The following ZNF141 variants were observed in gnomAD, a reference collection of about 807,000 sequenced individuals.
ZNF141 encodes zinc finger protein 141.
In ZNF141, 7 loss-of-function variants were observed where a neutral mutation model predicts 11.3. The observed-to-expected ratio is 0.62, with a 90% CI of 0.35 to 1.16. ZNF141 has a LOEUF of 1.16. Among genes scored for constraint, ZNF141 ranks in the 50% most tolerant of loss-of-function variants. The pLI, the probability that ZNF141 is intolerant of heterozygous loss-of-function variation, is 0.02. For synonymous variants in ZNF141, 183 were observed against 190.7 expected (o/e 0.96, Z 0.33); for missense variants, 535 against 554.0 (o/e 0.97, Z 0.34).
intron 3 of ZNF141, among the ~76,000 whole-genome samples, chr4:369,182 C>T (rs185476143): frequency 1.2e-4 from 18 of 152,276 alleles, no homozygotes; most frequent in Admixed American, 1.0e-3. Flanking sequence ...CACACTCACA[C>T]ACACACATTA....
chr4:350,858 A>G (rs1252911337), intron 3 of ZNF141, among the ~76,000 whole-genome samples: 2 of 150,732 alleles, frequency 1.3e-5, no homozygotes, highest in South Asian at 2.1e-4. Flanking sequence ...TCCTGCCTCA[A>G]CCTCCAGAGT....
In ZNF141 at chr4:378,301, ACT is replaced by A. The variant is rs1712462062; in HGVS notation, c.*4442_*4443del. On this transcript the variant is annotated 3_prime_UTR_variant, in exon 4 of 4. Transcript: ENST00000240499. Reference sequence around the variant, plus strand: ...ATTTATTTATTTTAGATGGAGCCCCACTCTGTCACCAGGCTGGAGTGCAGTGG... The same window carrying A: ...ATTTATTTATTTTAGATGGAGCCCCACTGTCACCAGGCTGGAGTGCAGTGG... The A allele has an allele frequency of 6.6e-6, 1 of 151,880 alleles. No individual in the cohort carries two copies. The highest frequency in any genetic ancestry group is 2.4e-5 in the African/African-American group (1 of 41,368). 9.4% of individuals were successfully genotyped at this position (151,880 alleles called of 1,614,324 possible).
chr4:344,399 G>A lies in ZNF141; in HGVS notation c.195G>A (p.Val65=), dbSNP rs148239320. ...AGCAAAGAAAAGAGCCCTACAATGT[G>A]AAGATACATAAGATCGTAGCCAGAC... The part of the protein sequence containing the change: ...CLEQRKEPYN[V]KIHKIVARPP... Residue 65 remains valine (V), a synonymous_variant, in exon 3 of 4, where the codon GTG becomes GTA. Coordinates refer to ENST00000240499, the MANE Select transcript of ZNF141 (RefSeq NM_003441.4). 1,640 of 1,607,802 alleles carry A rather than the reference G, an allele frequency of 1.0e-3. 16 individuals are homozygous for A. In the African/African-American group the frequency reaches 0.019, roughly 19 times the overall value.
At chr4:368,970 T>A (rs538871302) in intron 3 of ZNF141, among the ~76,000 whole-genome samples, 1 of 152,312 alleles carries the variant, frequency 6.6e-6, no homozygotes, top group Non-Finnish European at 1.5e-5. Flanking sequence ...TTTAGACATC[T>A]TCTTTTTAGG....
At chr4:351,424 G>A (rs1429415978) in intron 3 of ZNF141, among the ~76,000 whole-genome samples, 4 of 151,622 alleles carry the variant, frequency 2.6e-5, no homozygotes, top group African/African-American at 7.3e-5. Flanking sequence ...TAGTAGGGGC[G>A]GGGTTTTACC....
chr4:347,379 G>C (rs1469469052), intron 3 of ZNF141, among the ~76,000 whole-genome samples: 1 of 134,938 alleles, frequency 7.4e-6, no homozygotes, highest in Admixed American at 8.3e-5. Flanking sequence ...TCTCTCTGTC[G>C]CCCAGGCTGG....
In ZNF141 at chr4:381,184, CTA is replaced by C. The variant is rs1553855544; in HGVS notation, c.*7324_*7325del. The stretch of plus-strand genomic sequence containing the variant: ...TATTTCTTGAGTTAAATATTTGACT[CTA>C]TTAGTTTAGTTTCCTTTGTGCCTGT... On this transcript the variant is annotated 3_prime_UTR_variant, in exon 4 of 4. Coordinates refer to ENST00000240499, the MANE Select transcript of ZNF141 (RefSeq NM_003441.4). 6.6e-6 allele frequency among the ~76,000 whole-genome samples: 1 copy of C among 152,058 alleles called. No homozygotes were observed. The highest frequency in any genetic ancestry group is 2.4e-5 in the African/African-American group (1 of 41,418).
chr4:338,658 C>CG (rs1720907876), intron 1 of ZNF141: 1 of 153,010 alleles, frequency 6.5e-6, no homozygotes, highest in Non-Finnish European at 1.5e-5. Context: ...AGGGTGTGGG[C>CG]CCCTGGTTTG....
intron 3 of ZNF141, among the ~76,000 whole-genome samples, chr4:370,052 A>G (rs565262814): frequency 6.6e-6 from 1 of 152,062 alleles, no homozygotes; most frequent in Non-Finnish European, 1.5e-5. Context: ...GGCATGAGCC[A>G]CTGGGCCTGG....
intron 1 of ZNF141, among the ~76,000 whole-genome samples, chr4:342,630 G>T (rs1296966308): frequency 6.6e-6 from 1 of 152,214 alleles, no homozygotes; most frequent in Non-Finnish European, 1.5e-5. Context: ...GAGAGGCAGT[G>T]CTTAGCTAAG....
At chr4:343,938 A>G in intron 2 of ZNF141, 30 bp downstream of exon 2, 1 of 1,576,246 alleles carries the variant, frequency 6.3e-7, no homozygotes, top group South Asian at 1.2e-5. Context: ...ATAATTCCTA[A>G]TTTTTCTCAG....
Position 381,946 on chromosome 4 carries a change from C to A in ZNF141, c.*8084C>A, listed in dbSNP as rs1475780411. On this transcript the variant is annotated 3_prime_UTR_variant, in exon 4 of 4. Transcript: ENST00000240499. Reference sequence around the variant, plus strand: ...CTAGGGCCACCACCATCTCTGGGAACTTTTTTTTTTTTTTTTTTTGAGACG... The same window carrying A: ...CTAGGGCCACCACCATCTCTGGGAAATTTTTTTTTTTTTTTTTTTGAGACG... Among the ~76,000 whole-genome samples, 2 of 105,938 alleles carry A rather than the reference C, an allele frequency of 1.9e-5. No individual in the cohort carries two copies. The highest frequency in any genetic ancestry group is 3.6e-5 in the Non-Finnish European group (2 of 55,032). 69.5% of individuals were successfully genotyped at this position (105,938 alleles called of 152,430 possible).
intron 3 of ZNF141, among the ~76,000 whole-genome samples, chr4:369,341 A>T (rs61613542): frequency 6.6e-6 from 1 of 152,048 alleles, no homozygotes; most frequent in African/African-American, 2.4e-5. Flanking sequence ...TGTGTTATAT[A>T]ACTTGGACCT....
rs1041052323 is a variant in ZNF141 at position 372,901 on chromosome 4, G to T, written c.464G>T (p.Ser155Ile). 6.2e-7 allele frequency: 1 copy of T among 1,613,656 alleles called. No homozygotes were observed. Among genetic ancestry groups the T allele is most frequent in the Non-Finnish European group, 8.5e-7 (1 of 1,179,714 alleles). Reference sequence around the variant, plus strand: ...TGTAAAGCAAGTGTCAAAGTTGTTAGTAAATTTTCAAATTCAAACAAACGT... The same window carrying T: ...TGTAAAGCAAGTGTCAAAGTTGTTATTAAATTTTCAAATTCAAACAAACGT... ...LQCKASVKVV[S>I]KFSNSNKRKT... Residue 155 changes from serine to isoleucine, a missense_variant, in exon 4 of 4, where the codon AGT (serine) becomes ATT (isoleucine). Coordinates refer to ENST00000240499, the MANE Select transcript of ZNF141 (RefSeq NM_003441.4).
rs1252672008 is a variant in ZNF141, at chr4:381,963, T to C, written c.*8101T>C. 6.8e-6 allele frequency among the ~76,000 whole-genome samples: 1 copy of C among 147,620 alleles called. No homozygotes were observed. The highest frequency in any genetic ancestry group is 2.6e-5 in the African/African-American group (1 of 38,898). On this transcript the variant is annotated 3_prime_UTR_variant, in exon 4 of 4. Coordinates refer to ENST00000240499, the MANE Select transcript of ZNF141 (RefSeq NM_003441.4). The stretch of plus-strand genomic sequence containing the variant: ...TCTGGGAACTTTTTTTTTTTTTTTT[T>C]TTGAGACGGAGTCTCACTCTCGCCC...
At chr4:341,185 C>T (rs1026324185) in intron 1 of ZNF141, among the ~76,000 whole-genome samples, 14 of 151,924 alleles carry the variant, frequency 9.2e-5, no homozygotes, top group South Asian at 2.1e-4. Flanking sequence ...CTCCTGCCTC[C>T]GAGTAGCTGG....
At chr4:338,089 C>A in intron 1 of ZNF141, 103 bp downstream of exon 1, 1 of 1,532,476 alleles carries the variant, frequency 6.5e-7, no homozygotes, top group Non-Finnish European at 8.9e-7. Flanking sequence ...CCGCTGCCGC[C>A]GCTCAGCCCT....
At chr4:362,084 A>G (rs1553852261) in intron 3 of ZNF141, among the ~76,000 whole-genome samples, 1 of 152,100 alleles carries the variant, frequency 6.6e-6, no homozygotes, top group African/African-American at 2.4e-5. Flanking sequence ...CTGGTGTGAG[A>G]TGGTATCTCA....
intron 3 of ZNF141, among the ~76,000 whole-genome samples, chr4:351,436 T>G (rs1404340696): frequency 6.6e-6 from 1 of 151,848 alleles, no homozygotes; most frequent in Non-Finnish European, 1.5e-5. Flanking sequence ...GGTTTTACCA[T>G]GTTAGCCAGG....
Sources: allele counts gnomAD v4.1 joint callset (sites outside exome capture counted in the v4.1 genomes callset), GRCh38; gene constraint gnomAD v4.1.1; transcripts MANE v1.5; gene names NCBI Gene and HGNC (gene_info 2026-07-23, HGNC 2026-07-21).